The following PDS5B variants were observed in gnomAD, a reference collection of about 807,000 sequenced individuals.
The protein encoded by PDS5B is sister chromatid cohesion protein PDS5 homolog B.
PDS5B carries 51 observed loss-of-function variants against 184.1 expected under a neutral mutation model. The ratio of observed to expected loss-of-function variants is 0.28; its 90% CI spans 0.22 to 0.35. PDS5B has a LOEUF of 0.35. PDS5B is among the 10% of genes least tolerant of loss of function. The pLI is 1.00. For missense variants in PDS5B, 1,180 were observed against 1,723.3 expected, an observed-to-expected ratio of 0.68 and a Z score of 5.58; for synonymous variants, 566 against 569.2, an observed-to-expected ratio of 0.99 and a Z score of 0.08.
intron 19 of PDS5B, among the ~76,000 whole-genome samples, chr13:32,718,360 C>G (rs1952554005): frequency 2.0e-5 from 3 of 152,248 alleles, no homozygotes; most frequent in Middle Eastern, 3.4e-3. Context: ...CTGTGTTAGC[C>G]AGGATGCTCT....
intron 1 of PDS5B, among the ~76,000 whole-genome samples, chr13:32,611,442 C>T (rs1262366382): frequency 6.6e-6 from 1 of 150,902 alleles, no homozygotes; most frequent in Non-Finnish European, 1.5e-5. Flanking sequence ...CTCCATCCTT[C>T]AGTAATTGTT....
chr13:32,754,761 A>C (rs1166263321), intron 25 of PDS5B, among the ~76,000 whole-genome samples: 1 of 152,186 alleles, frequency 6.6e-6, no homozygotes, highest in South Asian at 2.1e-4. Flanking sequence ...TTAAAAAATT[A>C]CATACAGTGC....
At chr13:32,768,981 G>A (rs1394305359) in intron 31 of PDS5B, among the ~76,000 whole-genome samples, 1 of 148,156 alleles carries the variant, frequency 6.7e-6, no homozygotes. Context: ...TTAGCCAGGC[G>A]TGGTTGCAGA....
Position 32,596,077 on chromosome 13 carries a change from G to A in PDS5B, c.-20+9484G>A, listed in dbSNP as rs193167704. On this transcript the variant is annotated intron_variant, in intron 1 of 34. Coordinates refer to ENST00000315596, the MANE Select transcript of PDS5B (RefSeq NM_015032.4). The stretch of plus-strand genomic sequence containing the variant: ...AATATAAAATTTTATTTTTATTGAG[G>A]TGTAATTAAAATACAGTAAAATGTG... Among the ~76,000 whole-genome samples, 3 of 152,214 alleles carry A rather than the reference G, an allele frequency of 2.0e-5. No homozygotes were observed. In the East Asian group the frequency reaches 5.8e-4, roughly 29 times the overall value.
Position 32,742,527 on chromosome 13 carries a change from A to G in PDS5B, c.2476-64A>G, listed in dbSNP as rs538836792. ...TTAAATACATTTTATTTTTAAAAAA[A>G]GTTGATACAGAAATTCTTTCAAAAT... On this transcript the variant is annotated intron_variant, in intron 22 of 34. Coordinates refer to ENST00000315596, the MANE Select transcript of PDS5B (RefSeq NM_015032.4). 4.4e-6 allele frequency: 6 copies of G among 1,377,858 alleles called. No homozygotes were observed. The African/African-American group carries it at 7.4e-5, about 17-fold the overall frequency. 85.4% of individuals were successfully genotyped at this position (1,377,858 alleles called of 1,614,324 possible).
At chr13:32,761,296 C>T (rs921612220) in intron 30 of PDS5B, among the ~76,000 whole-genome samples, 28 of 152,004 alleles carry the variant, frequency 1.8e-4, no homozygotes, top group African/African-American at 5.8e-4. Context: ...TATAGTACCA[C>T]GTACATATAT....
intron 17 of PDS5B, among the ~76,000 whole-genome samples, chr13:32,706,369 C>G (rs754683192): frequency 2.6e-5 from 4 of 151,764 alleles, no homozygotes; most frequent in Non-Finnish European, 5.9e-5. Context: ...TTGAAAACAT[C>G]ATGTTTCCTT....
chr13:32,750,482 A>C (rs1953934158), intron 24 of PDS5B, among the ~76,000 whole-genome samples: 1 of 152,020 alleles, frequency 6.6e-6, no homozygotes. Flanking sequence ...GTGGAGTATG[A>C]GGGTAGATAA....
intron 1 of PDS5B, among the ~76,000 whole-genome samples, chr13:32,596,362 G>A (rs1470462417): frequency 6.6e-6 from 1 of 152,172 alleles, no homozygotes; most frequent in Non-Finnish European, 1.5e-5. Flanking sequence ...GGATGTATCA[G>A]TTTTTATTGC....
chr13:32,612,462 A>G (rs2058158715), intron 1 of PDS5B, among the ~76,000 whole-genome samples: 1 of 152,272 alleles, frequency 6.6e-6, no homozygotes, highest in East Asian at 1.9e-4. Flanking sequence ...GGTTTAGTAT[A>G]TTGACAGAGT....
intron 1 of PDS5B, among the ~76,000 whole-genome samples, chr13:32,613,449 G>C (rs1006428550): frequency 1.3e-5 from 2 of 152,182 alleles, no homozygotes; most frequent in African/African-American, 4.8e-5. Flanking sequence ...GTGTAAACTG[G>C]TATCACGTTG....
At chr13:32,603,528 G>A (rs556517502) in intron 1 of PDS5B, among the ~76,000 whole-genome samples, 56 of 152,316 alleles carry the variant, frequency 3.7e-4, no homozygotes, top group African/African-American at 1.2e-3. Flanking sequence ...GTCAGGTAGT[G>A]TGATGCCTCC....
At chr13:32,595,371 AAG>A (rs987544905) in intron 1 of PDS5B, among the ~76,000 whole-genome samples, 9 of 151,894 alleles carry the variant, frequency 5.9e-5, no homozygotes, top group Admixed American at 3.9e-4. Context: ...AGACGGCAAA[AAG>A]GAAAAAGATA....
intron 28 of PDS5B, 53 bp from the exon 29 acceptor site, chr13:32,759,575 C>A (rs999058746): frequency 7.9e-6 from 7 of 891,310 alleles, no homozygotes; most frequent in Non-Finnish European, 1.2e-5. Context: ...TTTGAACCAC[C>A]TGTAGATAGT....
chr13:32,684,063 TA>T (rs1951320869), intron 11 of PDS5B, 40 bp downstream of exon 11: 16 of 1,050,728 alleles, frequency 1.5e-5, no homozygotes, highest in Non-Finnish European at 2.2e-5. Flanking sequence ...TTTTCATTTT[TA>T]ATACTTGAAG....
At chr13:32,734,759 T>C (rs1056423333) in intron 20 of PDS5B, among the ~76,000 whole-genome samples, 1 of 152,228 alleles carries the variant, frequency 6.6e-6, no homozygotes, top group East Asian at 1.9e-4. Context: ...CTCATTCATA[T>C]ATCCTCACTT....
At chr13:32,679,830 C>T (rs1951182295) in intron 10 of PDS5B, among the ~76,000 whole-genome samples, 1 of 151,738 alleles carries the variant, frequency 6.6e-6, no homozygotes, top group South Asian at 2.1e-4. Context: ...CCCATCTTTG[C>T]TCTCCCCTTC....
At chr13:32,716,636 C>T (rs1356664903) in intron 19 of PDS5B, among the ~76,000 whole-genome samples, 3 of 142,510 alleles carry the variant, frequency 2.1e-5, no homozygotes, top group Non-Finnish European at 3.1e-5. Context: ...GCCCCCCGCC[C>T]GGCCAGCCGC....
rs967882604 is a variant in PDS5B, at chr13:32,678,155, A to G, written c.963-680A>G. On this transcript the variant is annotated intron_variant, in intron 9 of 34. Coordinates refer to ENST00000315596, the MANE Select transcript of PDS5B (RefSeq NM_015032.4). ...TAAATTATGGAATAAAACCATACACATATACAGCAGTTGCTCTAGCAAATT... is the reference window on the plus strand; with the variant it reads ...TAAATTATGGAATAAAACCATACACGTATACAGCAGTTGCTCTAGCAAATT... 5.3e-5 allele frequency among the ~76,000 whole-genome samples: 8 copies of G among 152,340 alleles called. No individual in the cohort carries two copies. In the South Asian group the frequency reaches 1.0e-3, roughly 20 times the overall value.
Sources: gnomAD v4.1 joint callset for allele counts (sites outside exome capture counted in the v4.1 genomes callset) on GRCh38, gnomAD v4.1.1 for gene constraint, MANE v1.5 for transcripts, NCBI Gene and HGNC (gene_info 2026-07-23, HGNC 2026-07-21) for gene names.